PTPRN2: variants seen among roughly 807,000 people sequenced by gnomAD.
The protein encoded by PTPRN2 is receptor-type tyrosine-protein phosphatase N2.
Under a neutral mutation model 118.8 loss-of-function variants are expected in PTPRN2, and 74 were observed. That is an observed-to-expected ratio of 0.62 (90% CI 0.52 to 0.76). The LOEUF (loss-of-function observed/expected upper bound fraction) is 0.76. Ranked by LOEUF, PTPRN2 falls within the 30% of genes least tolerant of loss-of-function variation. The pLI, the probability that PTPRN2 is intolerant of heterozygous loss-of-function variation, is 0.00. For missense variants in PTPRN2, 1,481 were observed against 1,394.4 expected, an observed-to-expected ratio of 1.06 and a Z score of -0.99; for synonymous variants, 641 against 608.0, an observed-to-expected ratio of 1.05 and a Z score of -0.80.
intron 11 of PTPRN2, among the ~76,000 whole-genome samples, chr7:157,919,656 A>C (rs967150034): frequency 1.3e-5 from 2 of 152,244 alleles, no homozygotes; most frequent in African/African-American, 4.8e-5. Flanking sequence ...AAAGTAAAAC[A>C]CCTCAAATTC....
chr7:158,445,425 G>A lies in PTPRN2; in HGVS notation c.163+44310C>T, dbSNP rs772129320. Among the ~76,000 whole-genome samples the A allele has an allele frequency of 6.6e-5, 10 of 152,180 alleles. No homozygotes were observed. The South Asian group carries it at 8.3e-4, about 13-fold the overall frequency. On this transcript the variant is annotated intron_variant, in intron 2 of 22. Coordinates refer to ENST00000389418, the MANE Select transcript of PTPRN2 (RefSeq NM_002847.5). ...TCTACACTGCACAGCAGCCTCCATC[G>A]CAGGTGGTGCCGTCCCTGAGTGCAG...
intron 2 of PTPRN2, among the ~76,000 whole-genome samples, chr7:158,384,165 CAT>C (rs1483132081): frequency 1.3e-5 from 2 of 152,230 alleles, no homozygotes; most frequent in African/African-American, 2.4e-5. Context: ...ACTTGGCACA[CAT>C]GTCTATTTGT....
intron 12 of PTPRN2, among the ~76,000 whole-genome samples, chr7:157,745,657 G>C (rs1283622393): frequency 6.6e-6 from 1 of 152,170 alleles, no homozygotes; most frequent in Non-Finnish European, 1.5e-5. Flanking sequence ...CAGGCTGGAG[G>C]CCGCTGCTTT....
At chr7:157,749,730 CGG>C (rs1491417592) in intron 12 of PTPRN2, among the ~76,000 whole-genome samples, 1 of 96,948 alleles carries the variant, frequency 1.0e-5, no homozygotes, top group Non-Finnish European at 2.0e-5. Flanking sequence ...GTGAGCTGCC[CGG>C]GTGATTCTGA....
At chr7:158,140,817 C>A (rs1488472914) in intron 6 of PTPRN2, among the ~76,000 whole-genome samples, 1 of 152,238 alleles carries the variant, frequency 6.6e-6, no homozygotes, top group South Asian at 2.1e-4. Context: ...TCCCCCTCAA[C>A]AGCAGCAATA....
intron 12 of PTPRN2, among the ~76,000 whole-genome samples, chr7:157,846,548 G>A (rs963969844): frequency 6.6e-6 from 1 of 152,100 alleles, no homozygotes; most frequent in African/African-American, 2.4e-5. Flanking sequence ...GTTTGTCACT[G>A]CCCTGAGTGC....
chr7:158,008,075 G>GTGTGGGTGTGGGTGTGC (rs1805779596), intron 11 of PTPRN2, among the ~76,000 whole-genome samples: 2 of 108,772 alleles, frequency 1.8e-5, no homozygotes, highest in Admixed American at 2.0e-4. Flanking sequence ...TGGGTGTGCT[G>GTGTGGGTGTGGGTGTGC]TGTGTGGGTG....
chr7:157,662,583 G>A (rs1795944995), intron 13 of PTPRN2, among the ~76,000 whole-genome samples: 1 of 152,218 alleles, frequency 6.6e-6, no homozygotes, highest in Non-Finnish European at 1.5e-5. Flanking sequence ...GGCAGGAGAG[G>A]CTCAGGCCCC....
intron 10 of PTPRN2, among the ~76,000 whole-genome samples, chr7:158,100,629 G>C (rs1321521842): frequency 6.6e-6 from 1 of 152,146 alleles, no homozygotes; most frequent in East Asian, 1.9e-4. Flanking sequence ...TTGTGGTTTC[G>C]ATTTGCATTT....
chr7:158,461,712 C>T (rs1252809640), intron 2 of PTPRN2, among the ~76,000 whole-genome samples: 2 of 152,344 alleles, frequency 1.3e-5, no homozygotes, highest in East Asian at 3.9e-4. Flanking sequence ...GAAAGAGCCT[C>T]TTGGCCACCT....
intron 11 of PTPRN2, chr7:158,028,294 G>C (rs1807426044): frequency 6.6e-6 from 1 of 152,406 alleles, no homozygotes; most frequent in Non-Finnish European, 1.5e-5. Flanking sequence ...GTAAACTACA[G>C]CTCGCAGAAG....
intron 2 of PTPRN2, among the ~76,000 whole-genome samples, chr7:158,477,701 A>G (rs1820365547): frequency 6.6e-6 from 1 of 152,226 alleles, no homozygotes; most frequent in Non-Finnish European, 1.5e-5. Flanking sequence ...TGACACCCCA[A>G]TAGTGTATGC....
rs141636286 is a variant in PTPRN2 at position 158,562,267 on chromosome 7, G to A, written c.112+25291C>T. 1.4e-3 allele frequency among the ~76,000 whole-genome samples: 215 copies of A among 152,300 alleles called. 2 individuals carry two copies. Among genetic ancestry groups the A allele is most frequent in the African/African-American group, 5.0e-3 (209 of 41,572 alleles). On this transcript the variant is annotated intron_variant, in intron 1 of 22. Coordinates refer to ENST00000389418, the MANE Select transcript of PTPRN2 (RefSeq NM_002847.5). ...GCCATGGTCTCACTCCATGAAGGGG[G>A]CGAGGAAGCTCTCTGGAGCTGCCTT...
rs556578943 is a variant in PTPRN2, at chr7:158,179,120, C to G, written c.550-11829G>C. ...ATGTTGTACTAATTTACATTCCCACCTGCAGTGGATAAGTGTTCCCTTTTC... is the reference window on the plus strand; with the variant it reads ...ATGTTGTACTAATTTACATTCCCACGTGCAGTGGATAAGTGTTCCCTTTTC... On this transcript the variant is annotated intron_variant, in intron 5 of 22. Coordinates refer to ENST00000389418, the MANE Select transcript of PTPRN2 (RefSeq NM_002847.5). 2.0e-5 allele frequency among the ~76,000 whole-genome samples: 3 copies of G among 152,286 alleles called. No individual in the cohort carries two copies. In the South Asian group the frequency reaches 6.2e-4, roughly 32 times the overall value.
rs564512918 is a variant in PTPRN2, at chr7:157,763,404, C to T, written c.1789-80467G>A. Among the ~76,000 whole-genome samples, 293 of 152,216 alleles carry T rather than the reference C, an allele frequency of 1.9e-3. 2 individuals carry two copies. Among genetic ancestry groups the T allele is most frequent in the Admixed American group, 3.9e-3 (60 of 15,292 alleles). On this transcript the variant is annotated intron_variant, in intron 12 of 22. Transcript: ENST00000389418. This position sits in a 1 kb window ranked among gnomAD's most constrained non-coding sequence, Gnocchi z 4.9. The stretch of plus-strand genomic sequence containing the variant: ...TGCCCCAGTCACTGTGGCCATGGGG[C>T]GGCCTTCGCTCTGAGGCACAGGTTG...
intron 3 of PTPRN2, among the ~76,000 whole-genome samples, chr7:158,251,279 G>A (rs1379405149): frequency 6.6e-6 from 1 of 152,224 alleles, no homozygotes; most frequent in Non-Finnish European, 1.5e-5. Flanking sequence ...GGTGAGCCGA[G>A]GAGAACCTCG....
intron 2 of PTPRN2, among the ~76,000 whole-genome samples, chr7:158,370,011 C>G (rs1206361967): frequency 6.6e-6 from 1 of 152,158 alleles, no homozygotes; most frequent in Non-Finnish European, 1.5e-5. Context: ...CGGGAAGTCA[C>G]CTCAGTCACA....
intron 3 of PTPRN2, among the ~76,000 whole-genome samples, chr7:158,309,243 A>C (rs1391916223): frequency 2.7e-4 from 1 of 3,770 alleles, no homozygotes; most frequent in Non-Finnish European, 1.0e-3. Flanking sequence ...GTGGACTGGG[A>C]GAGGCAGACC....
intron 2 of PTPRN2, among the ~76,000 whole-genome samples, chr7:158,332,888 C>A (rs1215820229): frequency 4.1e-3 from 600 of 146,846 alleles, no homozygotes; most frequent in African/African-American, 0.015. Flanking sequence ...AGAAGTGACA[C>A]CTGCAAACGT....
Sources: allele counts gnomAD v4.1 joint callset (sites outside exome capture counted in the v4.1 genomes callset), GRCh38; gene constraint gnomAD v4.1.1; non-coding constraint Gnocchi (gnomAD v3.1); transcripts MANE v1.5; gene names NCBI Gene and HGNC (gene_info 2026-07-23, HGNC 2026-07-21).